Variants in CNTNAP5 observed in about 807,000 individuals in gnomAD.
CNTNAP5 encodes contactin-associated protein-like 5.
CNTNAP5 carries 72 observed loss-of-function variants against 150.2 expected under a neutral mutation model. The ratio of observed to expected loss-of-function variants is 0.48; its 90% CI spans 0.40 to 0.58. The LOEUF is 0.58. CNTNAP5 is among the 20% of genes least tolerant of loss of function. CNTNAP5 has a pLI of 0.00. For missense variants in CNTNAP5, 1,636 were observed against 1,626.2 expected, an observed-to-expected ratio of 1.01 and a Z score of -0.10; for synonymous variants, 672 against 619.8, an observed-to-expected ratio of 1.08 and a Z score of -1.25.
chr2:124,643,997 A>G lies in CNTNAP5; in HGVS notation c.1877-3761A>G, dbSNP rs540240825. Among the ~76,000 whole-genome samples the G allele has an allele frequency of 4.6e-5, 7 of 152,360 alleles. No homozygotes were observed. The South Asian group carries it at 1.2e-3, about 27-fold the overall frequency. On this transcript the variant is annotated intron_variant, in intron 12 of 23. Transcript: ENST00000682447. ...TAGTGTTGTGCTGGCACACAAACCC[A>G]GATTTGCTGACTCCAGAGCCCATAC...
intron 12 of CNTNAP5, among the ~76,000 whole-genome samples, chr2:124,631,807 T>A (rs1677866654): frequency 6.6e-6 from 1 of 152,184 alleles, no homozygotes; most frequent in African/African-American, 2.4e-5. Flanking sequence ...GGGAGAACAT[T>A]TCTGCAATTT....
At chr2:124,375,292 T>G (rs1375237277) in intron 3 of CNTNAP5, among the ~76,000 whole-genome samples, 1 of 152,114 alleles carries the variant, frequency 6.6e-6, no homozygotes, top group Non-Finnish European at 1.5e-5. Context: ...TAAAGAAACC[T>G]GCTGACCCCA....
Position 124,867,257 on chromosome 2 carries a change from G to C in CNTNAP5, c.3348+1821G>C, listed in dbSNP as rs867144481. The stretch of plus-strand genomic sequence containing the variant: ...AAGCCAGCATATCTCTGGGTAAAGA[G>C]AGGAAACCTTTCTCTTATCTGACTT... On this transcript the variant is annotated intron_variant, in intron 20 of 23. Coordinates refer to ENST00000682447, the MANE Select transcript of CNTNAP5 (RefSeq NM_001367498.1). Among the ~76,000 whole-genome samples, 7 of 152,170 alleles carry C rather than the reference G, an allele frequency of 4.6e-5. No homozygotes were observed. The South Asian group carries it at 1.5e-3, about 32-fold the overall frequency.
chr2:124,801,809 G>C (rs1417926005), intron 19 of CNTNAP5, among the ~76,000 whole-genome samples: 1 of 152,108 alleles, frequency 6.6e-6, no homozygotes, highest in Non-Finnish European at 1.5e-5. Flanking sequence ...ATATTTTAAT[G>C]TGACTTTGAT....
At chr2:124,068,937 A>T (rs1019627531) in intron 1 of CNTNAP5, among the ~76,000 whole-genome samples, 1 of 152,016 alleles carries the variant, frequency 6.6e-6, no homozygotes, top group African/African-American at 2.4e-5. Flanking sequence ...ATCAACAGTG[A>T]TACCCAGGTA....
At chr2:124,123,167 C>G (rs1278775214) in intron 1 of CNTNAP5, among the ~76,000 whole-genome samples, 2 of 152,088 alleles carry the variant, frequency 1.3e-5, no homozygotes, top group Admixed American at 6.5e-5. Context: ...GAAGGCATGA[C>G]AGACAGTACC....
At chr2:124,232,168 G>C (rs1189329481) in intron 2 of CNTNAP5, among the ~76,000 whole-genome samples, 1 of 152,068 alleles carries the variant, frequency 6.6e-6, no homozygotes. Context: ...TTAACTTAAA[G>C]CATTGCAACA....
chr2:124,315,748 G>C (rs1688944574), intron 3 of CNTNAP5, among the ~76,000 whole-genome samples: 1 of 151,844 alleles, frequency 6.6e-6, no homozygotes, highest in Admixed American at 6.6e-5. Context: ...TACAAACCCT[G>C]AGCTGCAAGG....
At chr2:124,360,346 T>A (rs1421680433) in intron 3 of CNTNAP5, among the ~76,000 whole-genome samples, 1 of 149,544 alleles carries the variant, frequency 6.7e-6, no homozygotes, top group African/African-American at 2.4e-5. Flanking sequence ...TTTGATCCTG[T>A]CATTATGATG....
intron 11 of CNTNAP5, among the ~76,000 whole-genome samples, chr2:124,576,144 C>G (rs1426130979): frequency 3.8e-5 from 3 of 78,730 alleles, no homozygotes; most frequent in African/African-American, 1.3e-4. Context: ...CTGTATATAT[C>G]TATATCTATA....
intron 19 of CNTNAP5, among the ~76,000 whole-genome samples, chr2:124,862,843 A>G (rs943816098): frequency 6.6e-6 from 1 of 152,206 alleles, no homozygotes; most frequent in African/African-American, 2.4e-5. Context: ...AGAACATCAC[A>G]TTCGCGGGTG....
chr2:124,568,987 G>T (rs1696092909), intron 11 of CNTNAP5, among the ~76,000 whole-genome samples: 1 of 152,346 alleles, frequency 6.6e-6, no homozygotes, highest in South Asian at 2.1e-4. Context: ...GGCGGAGCTT[G>T]CAGTGAGCCA....
At chr2:124,820,452 T>A in intron 19 of CNTNAP5, among the ~76,000 whole-genome samples, 1 of 144,214 alleles carries the variant, frequency 6.9e-6, no homozygotes. Flanking sequence ...TCTCCTCAGG[T>A]GAGGTGGAAA....
intron 19 of CNTNAP5, among the ~76,000 whole-genome samples, chr2:124,846,042 G>A (rs571196038): frequency 6.6e-6 from 1 of 150,452 alleles, no homozygotes; most frequent in Non-Finnish European, 1.5e-5. Flanking sequence ...CTTTTCTTCT[G>A]CTGGCTTTGG....
At chr2:124,677,734 C>T (rs1450610999) in intron 13 of CNTNAP5, among the ~76,000 whole-genome samples, 1 of 151,376 alleles carries the variant, frequency 6.6e-6, no homozygotes, top group Non-Finnish European at 1.5e-5. Context: ...TTACAGAGCG[C>T]TGATTGGTGC....
intron 16 of CNTNAP5, among the ~76,000 whole-genome samples, 163 bp downstream of exon 16, chr2:124,764,310 A>T (rs540762716): frequency 1.3e-5 from 2 of 152,172 alleles, no homozygotes; most frequent in East Asian, 3.9e-4. Flanking sequence ...ATGCTTTATG[A>T]TTTTTTATGA....
chr2:124,911,402 C>T (rs1678652180), intron 22 of CNTNAP5, 65 bp from the exon 23 acceptor site: 3 of 1,233,076 alleles, frequency 2.4e-6, no homozygotes, highest in African/African-American at 1.5e-5. Context: ...AGGTGGGCCA[C>T]ACTGTAGGCT....
At chr2:124,494,340 C>T (rs1043155247) in intron 7 of CNTNAP5, among the ~76,000 whole-genome samples, 29 of 152,144 alleles carry the variant, frequency 1.9e-4, no homozygotes, top group African/African-American at 6.7e-4. Flanking sequence ...GCTGAGGCGC[C>T]TGGAGTTGTT....
At chr2:124,828,735 C>CAAAAAAAAAAAAAAAAAAAA (rs60339676) in intron 19 of CNTNAP5, among the ~76,000 whole-genome samples, 1 of 23,110 alleles carries the variant, frequency 4.3e-5, no homozygotes, top group Admixed American at 7.5e-4. Context: ...CAAGTGTTGG[C>CAAAAAAAAAAAAAAAAAAAA]AAAAAAAAAA....
Sources: gnomAD v4.1 joint callset for allele counts (sites outside exome capture counted in the v4.1 genomes callset) on GRCh38, gnomAD v4.1.1 for gene constraint, MANE v1.5 for transcripts, NCBI Gene and HGNC (gene_info 2026-07-23, HGNC 2026-07-21) for gene names.